The following NRXN3 variants were observed in gnomAD, a reference collection of about 807,000 sequenced individuals.
The protein encoded by NRXN3 is neurexin 3, also known as neurexin III.
Under a neutral mutation model 137.6 loss-of-function variants are expected in NRXN3, and 32 were observed. The observed-to-expected ratio is 0.23, with a 90% CI of 0.18 to 0.31. The LOEUF (loss-of-function observed/expected upper bound fraction) is 0.31. NRXN3 is among the 10% of genes least tolerant of loss of function. The pLI is 1.00. For missense variants in NRXN3, 1,574 were observed against 2,062.5 expected, an observed-to-expected ratio of 0.76 and a Z score of 4.59; for synonymous variants, 798 against 784.5, an observed-to-expected ratio of 1.02 and a Z score of -0.29.
At chr14:78,516,593 G>T in intron 4 of NRXN3, among the ~76,000 whole-genome samples, 1 of 151,822 alleles carries the variant, frequency 6.6e-6, no homozygotes, top group East Asian at 1.9e-4. Flanking sequence ...AGAGCACCGA[G>T]GTCAACATCC....
chr14:79,412,782 C>CAAAAAAA (rs71103803), intron 15 of NRXN3, among the ~76,000 whole-genome samples: 3 of 59,734 alleles, frequency 5.0e-5, no homozygotes, highest in Admixed American at 2.5e-4. Context: ...GACTCTGTCT[C>CAAAAAAA]AAAAAAAAAA....
intron 4 of NRXN3, among the ~76,000 whole-genome samples, chr14:78,479,848 A>C (rs2095442703): frequency 6.6e-6 from 1 of 152,286 alleles, no homozygotes; most frequent in Admixed American, 6.5e-5. Flanking sequence ...TCAGTAGTCA[A>C]ATTTGGGGAA....
At chr14:78,845,677 C>A (rs2099024543) in intron 10 of NRXN3, among the ~76,000 whole-genome samples, 1 of 152,016 alleles carries the variant, frequency 6.6e-6, no homozygotes, top group South Asian at 2.1e-4. Context: ...TTCCAGGTAT[C>A]TTCCAACTCT....
chr14:78,816,904 A>G (rs1023014332), intron 10 of NRXN3, among the ~76,000 whole-genome samples: 1 of 152,142 alleles, frequency 6.6e-6, no homozygotes, highest in Non-Finnish European at 1.5e-5. Flanking sequence ...TTTTCCTCCC[A>G]TCCTTTAACA....
intron 2 of NRXN3, among the ~76,000 whole-genome samples, chr14:78,256,958 T>C (rs2069737589): frequency 1.3e-5 from 2 of 152,200 alleles, no homozygotes; most frequent in Non-Finnish European, 2.9e-5. Context: ...GATCAGGTGA[T>C]ACCTAAGGCA....
intron 4 of NRXN3, among the ~76,000 whole-genome samples, chr14:78,567,446 T>C (rs1206172701): frequency 3.3e-5 from 5 of 152,182 alleles, no homozygotes; most frequent in Non-Finnish European, 7.3e-5. Flanking sequence ...TCTCTGGATC[T>C]TCAGCCTAGA....
At chr14:78,844,891 C>A (rs1349914128) in intron 10 of NRXN3, among the ~76,000 whole-genome samples, 1 of 151,966 alleles carries the variant, frequency 6.6e-6, no homozygotes, top group East Asian at 1.9e-4. Flanking sequence ...TTCAGATAAC[C>A]ATTATTTGTT....
chr14:79,675,356 G>T (rs746205637), intron 17 of NRXN3, among the ~76,000 whole-genome samples: 46 of 152,012 alleles, frequency 3.0e-4, no homozygotes, highest in Non-Finnish European at 6.2e-4. Flanking sequence ...CTGTTATAAT[G>T]CAAAATCTAC....
intron 17 of NRXN3, among the ~76,000 whole-genome samples, chr14:79,691,807 G>A (rs2154025286): frequency 6.6e-6 from 1 of 152,180 alleles, no homozygotes; most frequent in Admixed American, 6.6e-5. Context: ...ATGTGAAACT[G>A]ATCTGGCAGG....
At chr14:79,036,664 A>G (rs888006360) in intron 15 of NRXN3, among the ~76,000 whole-genome samples, 1 of 141,594 alleles carries the variant, frequency 7.1e-6, no homozygotes, top group African/African-American at 2.6e-5. Context: ...GGACAGATAA[A>G]TTGGTAGCAG....
At chr14:79,615,304 T>C (rs2098142429) in intron 16 of NRXN3, among the ~76,000 whole-genome samples, 2 of 152,192 alleles carry the variant, frequency 1.3e-5, no homozygotes, top group Admixed American at 6.5e-5. Context: ...TTAGAAGATA[T>C]TGCAGTGGGA....
intron 10 of NRXN3, among the ~76,000 whole-genome samples, chr14:78,855,096 C>T (rs943627234): frequency 1.3e-5 from 2 of 150,172 alleles, no homozygotes; most frequent in East Asian, 2.0e-4. Context: ...CCTGGGAGGC[C>T]GAGGTTGCAG....
At chr14:79,121,139 T>C (rs1347721666) in intron 15 of NRXN3, among the ~76,000 whole-genome samples, 2 of 152,172 alleles carry the variant, frequency 1.3e-5, no homozygotes, top group East Asian at 1.9e-4. Flanking sequence ...CTATAGCAAA[T>C]AATGCTTTCC....
chr14:79,576,897 T>G (rs908558712), intron 16 of NRXN3, among the ~76,000 whole-genome samples: 1 of 152,178 alleles, frequency 6.6e-6, no homozygotes, highest in African/African-American at 2.4e-5. Context: ...AAATATCTTT[T>G]CTAAATTCCT....
intron 4 of NRXN3, among the ~76,000 whole-genome samples, chr14:78,399,647 G>T (rs1461515571): frequency 6.6e-6 from 1 of 152,148 alleles, no homozygotes; most frequent in African/African-American, 2.4e-5. Context: ...ATGTCTAACT[G>T]CTGCCTGGTG....
chr14:78,287,256 A>G (rs2075280565), intron 3 of NRXN3, among the ~76,000 whole-genome samples: 1 of 152,212 alleles, frequency 6.6e-6, no homozygotes, highest in African/African-American at 2.4e-5. Context: ...AGATGGGATG[A>G]TGATCTTCCT....
chr14:78,288,539 C>T (rs2075436761), intron 3 of NRXN3, among the ~76,000 whole-genome samples: 1 of 152,160 alleles, frequency 6.6e-6, no homozygotes, highest in Admixed American at 6.5e-5. Context: ...TCCATCACAC[C>T]ATGATCTATG....
rs575703332 is a variant in NRXN3 at position 79,512,213 on chromosome 14, T to G, written c.3444+44811T>G. Reference sequence around the variant, plus strand: ...TGTGCCCGGCCTTATAATAAATAGATGTATCAATTGTAGCTTACCAGCACC... The same window carrying G: ...TGTGCCCGGCCTTATAATAAATAGAGGTATCAATTGTAGCTTACCAGCACC... On this transcript the variant is annotated intron_variant, in intron 16 of 20. Transcript: ENST00000335750. Among the ~76,000 whole-genome samples, 4 of 152,314 alleles carry G rather than the reference T, an allele frequency of 2.6e-5. No individual in the cohort carries two copies. The South Asian group carries it at 8.3e-4, about 32-fold the overall frequency.
In NRXN3 at chr14:79,850,200, C is replaced by T. The variant is rs114155993; in HGVS notation, c.4094-11142C>T. The stretch of plus-strand genomic sequence containing the variant: ...ATGCCAACTTCTTTCTCAGCCCTCC[C>T]GGTTTGTAACTTTTTAAATCTTTAC... On this transcript the variant is annotated intron_variant, in intron 20 of 20. Transcript: ENST00000335750. Among the ~76,000 whole-genome samples the T allele has an allele frequency of 3.4e-3, 518 of 152,296 alleles. 5 individuals carry two copies. Among genetic ancestry groups the T allele is most frequent in the African/African-American group, 0.012 (491 of 41,560 alleles).
Sources: gnomAD v4.1 joint callset for allele counts (sites outside exome capture counted in the v4.1 genomes callset) on GRCh38, gnomAD v4.1.1 for gene constraint, MANE v1.5 for transcripts, NCBI Gene and HGNC (gene_info 2026-07-23, HGNC 2026-07-21) for gene names.